Variants in CTNNA3 observed in about 807,000 individuals in gnomAD.
The protein encoded by CTNNA3 is catenin alpha-3.
Under a neutral mutation model 95.7 loss-of-function variants are expected in CTNNA3, and 76 were observed. The ratio of observed to expected loss-of-function variants is 0.79; its 90% confidence interval spans 0.66 to 0.96. CTNNA3 has a LOEUF of 0.96. CTNNA3 is among the 40% of genes least tolerant of loss of function. The pLI is 0.00. For missense variants in CTNNA3, 1,191 were observed against 1,089.8 expected, an observed-to-expected ratio of 1.09 and a Z score of -1.31; for synonymous variants, 431 against 374.4, an observed-to-expected ratio of 1.15 and a Z score of -1.74.
At chr10:67,317,177 T>C (rs1841089929) in intron 5 of CTNNA3, among the ~76,000 whole-genome samples, 1 of 152,000 alleles carries the variant, frequency 6.6e-6, no homozygotes, top group Admixed American at 6.6e-5. Context: ...TTTTGTTTTT[T>C]TCTTTTTGTT....
intron 1 of CTNNA3, among the ~76,000 whole-genome samples, chr10:67,752,994 A>C (rs995871532): frequency 6.6e-6 from 1 of 152,206 alleles, no homozygotes; most frequent in Admixed American, 6.5e-5. Context: ...ATGGAACCAA[A>C]AAAGACCCCA....
intron 7 of CTNNA3, among the ~76,000 whole-genome samples, chr10:67,081,601 T>A (rs949112483): frequency 2.6e-5 from 4 of 152,212 alleles, no homozygotes; most frequent in Non-Finnish European, 4.4e-5. Context: ...ATCTCTCGCC[T>A]ACCATTTTGC....
chr10:66,469,019 AAGG>A (rs1228433719), intron 11 of CTNNA3, among the ~76,000 whole-genome samples: 1 of 151,864 alleles, frequency 6.6e-6, no homozygotes, highest in African/African-American at 2.4e-5. Context: ...ATATAAATGA[AAGG>A]AGAGTCAATA....
intron 1 of CTNNA3, among the ~76,000 whole-genome samples, chr10:67,682,316 G>C (rs1430052804): frequency 6.8e-6 from 1 of 147,632 alleles, no homozygotes; most frequent in African/African-American, 2.5e-5. Flanking sequence ...GACAGAGCGA[G>C]ACTCTATCTC....
At chr10:66,264,824 G>T (rs1355860043) in intron 13 of CTNNA3, among the ~76,000 whole-genome samples, 1 of 151,862 alleles carries the variant, frequency 6.6e-6, no homozygotes, top group Non-Finnish European at 1.5e-5. Context: ...CTATGGATTG[G>T]TGAGAACTGA....
At chr10:66,597,539 T>C (rs1388992500) in intron 10 of CTNNA3, among the ~76,000 whole-genome samples, 2 of 137,344 alleles carry the variant, frequency 1.5e-5, no homozygotes, top group Non-Finnish European at 3.2e-5. Flanking sequence ...TATATATATA[T>C]ATATATATAT....
At chr10:65,968,358 A>G (rs2078022414) in intron 16 of CTNNA3, among the ~76,000 whole-genome samples, 1 of 152,198 alleles carries the variant, frequency 6.6e-6, no homozygotes, top group Non-Finnish European at 1.5e-5. Context: ...CCTGGTCAAC[A>G]GAGTGGGACC....
intron 13 of CTNNA3, among the ~76,000 whole-genome samples, chr10:66,167,094 CA>C (rs1182356533): frequency 2.6e-5 from 4 of 152,010 alleles, no homozygotes; most frequent in African/African-American, 7.2e-5. Flanking sequence ...ATGCCTTTCA[CA>C]AACAAAATAG....
intron 5 of CTNNA3, among the ~76,000 whole-genome samples, chr10:67,250,492 G>C (rs1437000677): frequency 1.3e-5 from 2 of 151,378 alleles, no homozygotes; most frequent in African/African-American, 2.4e-5. Context: ...TGGGATTACA[G>C]GCATGAGCCA....
In CTNNA3 at chr10:66,485,557, T is replaced by C. The variant is rs72637079; in HGVS notation, c.1531+35060A>G. 0.031 allele frequency among the ~76,000 whole-genome samples: 4,686 copies of C among 152,170 alleles called. 358 individuals carry two copies. In the East Asian group the frequency reaches 0.32, roughly 10 times the overall value. On this transcript the variant is annotated intron_variant, in intron 11 of 17. Transcript: ENST00000433211. ...CCAGGAAGGTGAAAGATCTGTTTAC[T>C]AAAAATTATAAAACATTGATGAAAT...
intron 7 of CTNNA3, among the ~76,000 whole-genome samples, chr10:67,029,962 A>G (rs1159080355): frequency 6.6e-6 from 1 of 152,256 alleles, no homozygotes; most frequent in African/African-American, 2.4e-5. Flanking sequence ...TGACCTATCC[A>G]AACATATTCC....
intron 17 of CTNNA3, among the ~76,000 whole-genome samples, chr10:65,927,522 T>A (rs1026901573): frequency 1.3e-5 from 2 of 152,214 alleles, no homozygotes; most frequent in African/African-American, 4.8e-5. Flanking sequence ...TAGATGTATA[T>A]TTTCTATAGT....
At chr10:67,393,521 CA>C (rs1331928026) in intron 5 of CTNNA3, among the ~76,000 whole-genome samples, 1 of 151,966 alleles carries the variant, frequency 6.6e-6, no homozygotes, top group South Asian at 2.1e-4. Context: ...GTCAAGGAAT[CA>C]AAAGGAGGGA....
chr10:65,954,771 G>T (rs948671195), intron 17 of CTNNA3, among the ~76,000 whole-genome samples: 12 of 152,202 alleles, frequency 7.9e-5, no homozygotes, highest in African/African-American at 2.9e-4. Flanking sequence ...CCAGTACCAT[G>T]CTGTTTGGTT....
At chr10:66,076,472 T>C (rs2080562614) in intron 14 of CTNNA3, among the ~76,000 whole-genome samples, 1 of 151,596 alleles carries the variant, frequency 6.6e-6, no homozygotes, top group South Asian at 2.1e-4. Context: ...GGAATTGGAG[T>C]TGGACTTTAA....
intron 7 of CTNNA3, among the ~76,000 whole-genome samples, chr10:67,042,147 A>G (rs1026990393): frequency 6.6e-6 from 1 of 152,308 alleles, no homozygotes; most frequent in East Asian, 1.9e-4. Flanking sequence ...CAGAAATTCT[A>G]AAATGTGTTT....
At chr10:65,961,836 C>A (rs778157733) in intron 17 of CTNNA3, among the ~76,000 whole-genome samples, 1 of 151,860 alleles carries the variant, frequency 6.6e-6, no homozygotes, top group Non-Finnish European at 1.5e-5. Context: ...GCTTCAGTTT[C>A]TCTTTATTCT....
At chr10:67,472,906 T>G (rs1291484991) in intron 5 of CTNNA3, among the ~76,000 whole-genome samples, 1 of 152,184 alleles carries the variant, frequency 6.6e-6, no homozygotes, top group East Asian at 1.9e-4. Context: ...GTAAAGCCCT[T>G]CATGACCCTT....
intron 6 of CTNNA3, among the ~76,000 whole-genome samples, chr10:67,190,646 G>A (rs1863078631): frequency 6.6e-6 from 1 of 151,774 alleles, no homozygotes; most frequent in Admixed American, 6.6e-5. Context: ...TAGACAAAAT[G>A]CTTTCTTTGT....
Sources: gnomAD v4.1 joint callset for allele counts (sites outside exome capture counted in the v4.1 genomes callset) on GRCh38, gnomAD v4.1.1 for gene constraint, MANE v1.5 for transcripts, NCBI Gene and HGNC (gene_info 2026-07-23, HGNC 2026-07-21) for gene names.